The following PCDH9 variants were observed in gnomAD, a reference collection of about 807,000 sequenced individuals.
PCDH9 encodes the protein protocadherin-9.
In PCDH9, 24 loss-of-function variants were observed where a neutral mutation model predicts 70.6. The ratio of observed to expected loss-of-function variants is 0.34; its 90% CI spans 0.25 to 0.48. PCDH9 has a LOEUF of 0.48. PCDH9 is among the 20% of genes least tolerant of loss of function. The pLI, the probability that PCDH9 is intolerant of heterozygous loss-of-function variation, is 0.99. For synonymous variants in PCDH9, 562 were observed against 558.5 expected (o/e 1.01, Z -0.09); for missense variants, 1,281 against 1,503.6 (o/e 0.85, Z 2.45).
intron 2 of PCDH9, among the ~76,000 whole-genome samples, chr13:67,099,812 C>T (rs2086395065): frequency 6.6e-6 from 1 of 152,138 alleles, no homozygotes; most frequent in South Asian, 2.1e-4. Flanking sequence ...TAACTTTCAA[C>T]CCTTCATCTA....
chr13:66,945,228 C>T (rs1000716936), intron 2 of PCDH9, among the ~76,000 whole-genome samples: 6 of 151,876 alleles, frequency 4.0e-5, no homozygotes, highest in Non-Finnish European at 7.4e-5. Flanking sequence ...TTCACAATTC[C>T]TTACTTTCCC....
At chr13:67,166,736 A>G (rs1407055172) in intron 2 of PCDH9, among the ~76,000 whole-genome samples, 3 of 152,176 alleles carry the variant, frequency 2.0e-5, no homozygotes, top group East Asian at 3.8e-4. Flanking sequence ...TTCTTTCCAT[A>G]GCAAAACGTA....
At chr13:66,326,026 C>T (rs1955836317) in intron 4 of PCDH9, among the ~76,000 whole-genome samples, 1 of 152,128 alleles carries the variant, frequency 6.6e-6, no homozygotes, top group South Asian at 2.1e-4. Context: ...CTCTATCAAA[C>T]CTCCATCCAG....
Position 67,228,332 on chromosome 13 carries a change from T to G in PCDH9, c.109A>C (p.Asn37His), listed in dbSNP as rs879032498. ...TTTGGTATGTTTCCTATGGGCACAT[T>G]TTCAGGCAATTCCTCTCTAATAGTG... ...IYTIREELPE[N>H]VPIGNIPKDL... is the part of the protein sequence containing the mutation. The change falls in exon 2 of 5, where the codon AAT (asparagine) becomes CAT (histidine). Residue 37 changes from asparagine (N) to histidine (H), a missense_variant. Asn to His is a moderately conservative substitution (Grantham distance 68). Coordinates refer to ENST00000377865, the MANE Select transcript of PCDH9 (RefSeq NM_203487.3). 3 of 1,614,190 alleles carry G rather than the reference T, an allele frequency of 1.9e-6. No individual in the cohort carries two copies. The South Asian group carries it at 3.3e-5, about 18-fold the overall frequency.
chr13:66,617,886 A>G (rs2077376897), intron 4 of PCDH9, among the ~76,000 whole-genome samples: 1 of 152,184 alleles, frequency 6.6e-6, no homozygotes, highest in Non-Finnish European at 1.5e-5. Flanking sequence ...GTCCCCTGTC[A>G]GCAGGAAGCA....
chr13:67,158,846 T>C (rs1371494830), intron 2 of PCDH9, among the ~76,000 whole-genome samples: 1 of 152,216 alleles, frequency 6.6e-6, no homozygotes, highest in Non-Finnish European at 1.5e-5. Flanking sequence ...TATCTAATTT[T>C]ATGAACACTG....
intron 4 of PCDH9, among the ~76,000 whole-genome samples, chr13:66,501,544 C>T (rs926083039): frequency 5.3e-5 from 8 of 152,094 alleles, no homozygotes; most frequent in Admixed American, 3.9e-4. Flanking sequence ...TAAATGATCT[C>T]TTCCTCATCC....
chr13:66,335,914 C>A (rs929568247), intron 4 of PCDH9, among the ~76,000 whole-genome samples: 1 of 152,090 alleles, frequency 6.6e-6, no homozygotes, highest in African/African-American at 2.4e-5. Context: ...GTAAGCTTTG[C>A]CGCACAAGAC....
At chr13:66,319,563 T>C (rs1955715902) in intron 4 of PCDH9, among the ~76,000 whole-genome samples, 1 of 151,880 alleles carries the variant, frequency 6.6e-6, no homozygotes, top group South Asian at 2.1e-4. Flanking sequence ...GGAGCTTTTG[T>C]GGCATGTGGG....
chr13:66,788,683 C>A, intron 3 of PCDH9, among the ~76,000 whole-genome samples: 1 of 127,312 alleles, frequency 7.9e-6, no homozygotes, highest in African/African-American at 2.9e-5. Flanking sequence ...TGCTGGGCTC[C>A]AAGTCAGTAT....
At chr13:67,030,137 G>A (rs1393153381) in intron 2 of PCDH9, among the ~76,000 whole-genome samples, 1 of 152,092 alleles carries the variant, frequency 6.6e-6, no homozygotes, top group African/African-American at 2.4e-5. Flanking sequence ...CTGGAGTGCA[G>A]TGGCACTACA....
At chr13:66,849,503 T>TAG (rs1348037438) in intron 3 of PCDH9, among the ~76,000 whole-genome samples, 1,072 of 92,496 alleles carry the variant, frequency 0.012, 3 homozygotes, top group Non-Finnish European at 0.016. Flanking sequence ...TATATATATA[T>TAG]ATATATATAT....
rs1956915415 is a variant in PCDH9, at chr13:66,385,634, T to C, written c.3341-80606A>G. Among the ~76,000 whole-genome samples the C allele has an allele frequency of 1.3e-5, 2 of 152,186 alleles. 1 individual carries two copies. Among genetic ancestry groups the C allele is most frequent in the South Asian group, 4.1e-4 (2 of 4,834 alleles). On this transcript the variant is annotated intron_variant, in intron 4 of 4. Coordinates refer to ENST00000377865, the MANE Select transcript of PCDH9 (RefSeq NM_203487.3). Reference sequence around the variant, plus strand: ...TATTTTCAATAGCCTCCCGGAACTTTTGTATTTTTTCATTATTCCTTCTTA... The same window carrying C: ...TATTTTCAATAGCCTCCCGGAACTTCTGTATTTTTTCATTATTCCTTCTTA...
intron 4 of PCDH9, among the ~76,000 whole-genome samples, chr13:66,306,499 C>T (rs371663944): frequency 5.3e-5 from 8 of 151,302 alleles, no homozygotes; most frequent in African/African-American, 9.7e-5. Flanking sequence ...CAATCATCCA[C>T]GTAACCAAAA....
intron 2 of PCDH9, among the ~76,000 whole-genome samples, chr13:67,007,634 T>C (rs2084377921): frequency 6.6e-6 from 1 of 152,164 alleles, no homozygotes; most frequent in South Asian, 2.1e-4. Flanking sequence ...CCATATTGTA[T>C]ATTCAGGCCG....
At chr13:66,737,661 G>A (rs188884542) in intron 3 of PCDH9, among the ~76,000 whole-genome samples, 317 of 152,306 alleles carry the variant, frequency 2.1e-3, no homozygotes, top group African/African-American at 5.2e-3. Flanking sequence ...AGCCGAAGCC[G>A]GGCAAGGCAT....
chr13:67,149,127 A>G (rs940042812), intron 2 of PCDH9, among the ~76,000 whole-genome samples: 1 of 152,200 alleles, frequency 6.6e-6, no homozygotes, highest in Non-Finnish European at 1.5e-5. Flanking sequence ...TGCCAATGAT[A>G]TTGTAGGTCT....
At chr13:66,606,811 G>A (rs1463433382) in intron 4 of PCDH9, among the ~76,000 whole-genome samples, 2 of 151,648 alleles carry the variant, frequency 1.3e-5, no homozygotes, top group Admixed American at 1.3e-4. Flanking sequence ...TTTACTTGAA[G>A]CTTAAGTGTT....
At position 66,379,764 on chromosome 13, in the gene PCDH9, A is replaced by T. The variant is rs189613536; in HGVS notation, c.3341-74736T>A. Among the ~76,000 whole-genome samples, 50 of 152,294 alleles carry T rather than the reference A, an allele frequency of 3.3e-4. No homozygotes were observed. The East Asian group carries it at 8.3e-3, about 25-fold the overall frequency. ...GTTTAAACGATAAAAAGTTTAAAAT[A>T]CTGTGTCTGAATTATATTTTTGCCT... On this transcript the variant is annotated intron_variant, in intron 4 of 4. Coordinates refer to ENST00000377865, the MANE Select transcript of PCDH9 (RefSeq NM_203487.3).
Sources: allele counts gnomAD v4.1 joint callset (sites outside exome capture counted in the v4.1 genomes callset), GRCh38; gene constraint gnomAD v4.1.1; transcripts MANE v1.5; gene names NCBI Gene and HGNC (gene_info 2026-07-23, HGNC 2026-07-21).